SSTR4: variants seen among roughly 807,000 people sequenced by gnomAD.
SSTR4 encodes the protein somatostatin receptor 4, also known as somatostatin receptor type 4.
For synonymous variants in SSTR4, 272 were observed against 246.3 expected, an observed-to-expected ratio of 1.10 and a Z score of -0.98; for missense variants, 649 against 540.6, an observed-to-expected ratio of 1.20 and a Z score of -1.99.
In SSTR4 at chr20:23,036,467, G is replaced by A. The variant is rs772916978; in HGVS notation, c.984G>A (p.Leu328=). The A allele has an allele frequency of 1.9e-6, 3 of 1,613,668 alleles. No individual in the cohort carries two copies. In the African/African-American group the frequency reaches 4.0e-5, roughly 22 times the overall value. The change falls in exon 1 of 1, where the codon CTG becomes CTA. Residue 328 remains leucine, a synonymous_variant. Coordinates refer to ENST00000255008, the MANE Select transcript of SSTR4 (RefSeq NM_001052.4). ...GATTCTTCCAGCGGGTTCTCTGCCT[G>A]CGCTGCTGCCTCCTGGAAGGTGCTG... ...FRRFFQRVLC[L]RCCLLEGAGG...
In SSTR4 at chr20:23,035,507, C is replaced by T. The variant is rs1984275022; in HGVS notation, c.24C>T (p.Pro8=). The part of the protein sequence containing the change: MSAPSTL[P]PGGEEGLGTA... Reference sequence around the variant, plus strand: ...TCATGAGCGCCCCCTCGACGCTGCCCCCCGGGGGCGAGGAAGGGCTGGGGA... The same window carrying T: ...TCATGAGCGCCCCCTCGACGCTGCCTCCCGGGGGCGAGGAAGGGCTGGGGA... The change falls in exon 1 of 1, where the codon CCC becomes CCT. Residue 8 remains proline (P), a synonymous_variant. Coordinates refer to ENST00000255008, the MANE Select transcript of SSTR4 (RefSeq NM_001052.4). The T allele has an allele frequency of 1.3e-6, 2 of 1,562,936 alleles. No individual in the cohort carries two copies. Among genetic ancestry groups the T allele is most frequent in the Non-Finnish European group, 8.6e-7 (1 of 1,160,656 alleles).
chr20:23,036,659 T>TC lies in SSTR4; in HGVS notation c.*13dup. 1 of 1,531,104 alleles carries TC rather than the reference T, an allele frequency of 6.5e-7. No individual in the cohort carries two copies. The highest frequency in any genetic ancestry group is 1.3e-5 in the South Asian group (1 of 77,162). The allele number at this position is 1,531,104 out of a possible 1,614,324, so 94.8% of individuals were successfully genotyped here. The stretch of plus-strand genomic sequence containing the variant: ...GGACCACCACCTTCTGAGGAGCCCT[T>TC]CCCCTACCCACCCTGCGTGGCCACC... On this transcript the variant is annotated 3_prime_UTR_variant, in exon 1 of 1. Transcript: ENST00000255008.
rs1600405450 is a variant in SSTR4, at chr20:23,037,558, T to C, written c.*908T>C. Among the ~76,000 whole-genome samples, 1 of 152,122 alleles carries C rather than the reference T, an allele frequency of 6.6e-6. No individual in the cohort carries two copies. The highest frequency in any genetic ancestry group is 2.1e-4 in the South Asian group (1 of 4,826). On this transcript the variant is annotated 3_prime_UTR_variant, in exon 1 of 1. Transcript: ENST00000255008. Reference sequence around the variant, plus strand: ...GCAGCTTCATCACCACCCCCTATTTTAGAATGTCATCTTTCAGTAAAACAT... The same window carrying C: ...GCAGCTTCATCACCACCCCCTATTTCAGAATGTCATCTTTCAGTAAAACAT...
chr20:23,036,273 G>T lies in SSTR4; in HGVS notation c.790G>T (p.Val264Phe), dbSNP rs538772297. The change falls in exon 1 of 1, where the codon GTC becomes TTC. Residue 264 changes from valine (V) to phenylalanine (F), a missense_variant. Physicochemically the swap from Val to Phe is conservative, Grantham distance 50. Coordinates refer to ENST00000255008, the MANE Select transcript of SSTR4 (RefSeq NM_001052.4). ...GAAAATCACCAGGCTGGTGCTGATG[G>T]TCGTGGTCGTCTTTGTGCTCTGCTG... ...EKKITRLVLM[V>F]VVVFVLCWMP... is the part of the protein sequence containing the mutation. 6.2e-7 allele frequency: 1 copy of T among 1,614,060 alleles called. No individual in the cohort carries two copies. Among genetic ancestry groups the T allele is most frequent in the African/African-American group, 1.3e-5 (1 of 74,930 alleles).
Position 23,038,274 on chromosome 20 carries a change from C to T in SSTR4, c.*1624C>T, listed in dbSNP as rs1984380995. On this transcript the variant is annotated 3_prime_UTR_variant, in exon 1 of 1. Coordinates refer to ENST00000255008, the MANE Select transcript of SSTR4 (RefSeq NM_001052.4). ...CACTGATGAATATGGTTGAACGGAA[C>T]TCCAAGGACCACCCAGGTTGATAGT... 6.6e-6 allele frequency: 1 copy of T among 152,164 alleles called. No homozygotes were observed. Among genetic ancestry groups the T allele is most frequent in the Non-Finnish European group, 1.5e-5 (1 of 68,032 alleles). 9.4% of individuals were successfully genotyped at this position (152,164 alleles called of 1,614,324 possible).
rs1188306851 is a variant in SSTR4 at position 23,035,344 on chromosome 20, C to T, written c.-140C>T. 2 of 646,770 alleles carry T rather than the reference C, an allele frequency of 3.1e-6. No individual in the cohort carries two copies. The highest frequency in any genetic ancestry group is 4.3e-6 in the Non-Finnish European group (2 of 464,886). 40.1% of individuals were successfully genotyped at this position (646,770 alleles called of 1,614,324 possible). On this transcript the variant is annotated 5_prime_UTR_variant, in exon 1 of 1. Coordinates refer to ENST00000255008, the MANE Select transcript of SSTR4 (RefSeq NM_001052.4). Reference sequence around the variant, plus strand: ...CGGCGCGGGGATTGGCGGGCGCTCCCCGGTGCCCGCAGCTCTTCAGCGTAG... The same window carrying T: ...CGGCGCGGGGATTGGCGGGCGCTCCTCGGTGCCCGCAGCTCTTCAGCGTAG...
In SSTR4 at chr20:23,035,346, G is replaced by C; in HGVS notation, c.-138G>C. ...GCGCGGGGATTGGCGGGCGCTCCCC[G>C]GTGCCCGCAGCTCTTCAGCGTAGCC... is the stretch of plus-strand genomic sequence containing the variant. On this transcript the variant is annotated 5_prime_UTR_variant, in exon 1 of 1. Transcript: ENST00000255008. The C allele has an allele frequency of 3.1e-6, 2 of 641,326 alleles. No homozygotes were observed. The highest frequency in any genetic ancestry group is 4.3e-6 in the Non-Finnish European group (2 of 462,428). The allele number at this position is 641,326 out of a possible 1,614,324, so 39.7% of individuals were successfully genotyped here.
rs1370141528 is a variant in SSTR4 at position 23,038,298 on chromosome 20, G to A, written c.*1648G>A. ...ACTCCAAGGACCACCCAGGTTGATA[G>A]TAGTGAGGTGAGGGGTTCACAGCAC... On this transcript the variant is annotated 3_prime_UTR_variant, in exon 1 of 1. Coordinates refer to ENST00000255008, the MANE Select transcript of SSTR4 (RefSeq NM_001052.4). The A allele has an allele frequency of 2.0e-5, 3 of 152,212 alleles. No individual in the cohort carries two copies. The highest frequency in any genetic ancestry group is 2.9e-5 in the Non-Finnish European group (2 of 68,042). 9.4% of individuals were successfully genotyped at this position (152,212 alleles called of 1,614,324 possible).
rs1984361996 is a variant in SSTR4 at position 23,037,509 on chromosome 20, C to T, written c.*859C>T. Among the ~76,000 whole-genome samples the T allele has an allele frequency of 6.6e-6, 1 of 152,106 alleles. No homozygotes were observed. Among genetic ancestry groups the T allele is most frequent in the South Asian group, 2.1e-4 (1 of 4,828 alleles). Reference sequence around the variant, plus strand: ...CCAGAGAGCAGCGAGGGATGGGAACCAGCCCAGGTTTTGGATAGAGGAAGC... The same window carrying T: ...CCAGAGAGCAGCGAGGGATGGGAACTAGCCCAGGTTTTGGATAGAGGAAGC... On this transcript the variant is annotated 3_prime_UTR_variant, in exon 1 of 1. Coordinates refer to ENST00000255008, the MANE Select transcript of SSTR4 (RefSeq NM_001052.4).
rs1456178687 is a variant in SSTR4, at chr20:23,038,629, CCTCT to C, written c.*1982_*1985del. Among the ~76,000 whole-genome samples, 6 of 152,344 alleles carry C rather than the reference CCTCT, an allele frequency of 3.9e-5. No individual in the cohort carries two copies. The highest frequency in any genetic ancestry group is 4.1e-4 in the South Asian group (2 of 4,824). ...AGCTACCCCGTGAGCAGTGATTTAA[CCTCT>C]CTAAGCCTCAGTTTCCCACTTGGAA... is the stretch of plus-strand genomic sequence containing the variant. On this transcript the variant is annotated 3_prime_UTR_variant, in exon 1 of 1. Transcript: ENST00000255008.
Position 23,036,315 on chromosome 20 carries a change from G to C in SSTR4, c.832G>C (p.Val278Leu). 1 of 1,614,152 alleles carries C rather than the reference G, an allele frequency of 6.2e-7. No homozygotes were observed. The highest frequency in any genetic ancestry group is 8.5e-7 in the Non-Finnish European group (1 of 1,180,016). ...FVLCWMPFYV[V>L]QLLNLFVTSL... ...GCTCTGCTGGATGCCTTTCTACGTG[G>C]TGCAGCTGCTGAACCTCTTCGTGAC... is the stretch of plus-strand genomic sequence containing the variant. Residue 278 changes from valine to leucine, a missense_variant, in exon 1 of 1, where the codon GTG (valine) becomes CTG (leucine). Coordinates refer to ENST00000255008, the MANE Select transcript of SSTR4 (RefSeq NM_001052.4).
chr20:23,036,511 C>T lies in SSTR4; in HGVS notation c.1028C>T (p.Pro343Leu), dbSNP rs374723000. 16 of 1,613,738 alleles carry T rather than the reference C, an allele frequency of 9.9e-6. No homozygotes were observed. Among genetic ancestry groups the T allele is most frequent in the African/African-American group, 1.3e-5 (1 of 74,908 alleles). The change falls in exon 1 of 1, where the codon CCC becomes CTC. Residue 343 changes from proline to leucine, a missense_variant. Physicochemically the swap from Pro to Leu is moderately conservative, Grantham distance 98. Transcript: ENST00000255008. ...GGTGCTGGAGGTGCTGAGGAGGAGCCCCTGGACTACTATGCCACTGCTCTC... is the reference window on the plus strand; with the variant it reads ...GGTGCTGGAGGTGCTGAGGAGGAGCTCCTGGACTACTATGCCACTGCTCTC... The part of the protein sequence containing the change: ...LEGAGGAEEE[P>L]LDYYATALKS...
Position 23,038,484 on chromosome 20 carries a change from GA to G in SSTR4, c.*1836del, listed in dbSNP as rs1410345943. Among the ~76,000 whole-genome samples the G allele has an allele frequency of 6.6e-6, 1 of 152,332 alleles. No homozygotes were observed. Among genetic ancestry groups the G allele is most frequent in the South Asian group, 2.1e-4 (1 of 4,826 alleles). On this transcript the variant is annotated 3_prime_UTR_variant, in exon 1 of 1. Coordinates refer to ENST00000255008, the MANE Select transcript of SSTR4 (RefSeq NM_001052.4). ...GTGTGTGGCTGCCCAGATTAGCATGGAATAAGACACATTCTATTTAGAAATG... is the reference window on the plus strand; with the variant it reads ...GTGTGTGGCTGCCCAGATTAGCATGGATAAGACACATTCTATTTAGAAATG...
chr20:23,035,646 G>C lies in SSTR4; in HGVS notation c.163G>C (p.Ala55Pro). ...CATGGTCGCTATCCAGTGCATCTAC[G>C]CGCTGGTGTGCCTGGTGGGGCTGGT... The part of the protein sequence containing the change: ...AGMVAIQCIY[A>P]LVCLVGLVGN... Residue 55 changes from alanine to proline, a missense_variant, in exon 1 of 1, where the codon GCG (alanine) becomes CCG (proline). Physicochemically the swap from Ala to Pro is conservative, Grantham distance 27. Coordinates refer to ENST00000255008, the MANE Select transcript of SSTR4 (RefSeq NM_001052.4). 4.5e-6 allele frequency: 7 copies of C among 1,539,688 alleles called. No individual in the cohort carries two copies. The highest frequency in any genetic ancestry group is 5.2e-6 in the Non-Finnish European group (6 of 1,145,044).
chr20:23,035,826 G>C lies in SSTR4; in HGVS notation c.343G>C (p.Gly115Arg), dbSNP rs577382989. 4 of 1,591,358 alleles carry C rather than the reference G, an allele frequency of 2.5e-6. No individual in the cohort carries two copies. The South Asian group carries it at 4.6e-5, about 18-fold the overall frequency. Residue 115 changes from glycine (G) to arginine (R), a missense_variant, in exon 1 of 1, where the codon GGC (glycine) becomes CGC (arginine). Physicochemically the swap from Gly to Arg is moderately radical, Grantham distance 125. Coordinates refer to ENST00000255008, the MANE Select transcript of SSTR4 (RefSeq NM_001052.4). ...GGCCGCCCTGCGCCACTGGCCCTTCGGCTCCGTGCTGTGCCGCGCGGTGCT... is the reference window on the plus strand; with the variant it reads ...GGCCGCCCTGCGCCACTGGCCCTTCCGCTCCGTGCTGTGCCGCGCGGTGCT... The part of the protein sequence containing the change: ...SSAALRHWPF[G>R]SVLCRAVLSV...
In SSTR4 at chr20:23,036,321, C is replaced by G. The variant is rs748600010; in HGVS notation, c.838C>G (p.Leu280Val). 6.8e-6 allele frequency: 11 copies of G among 1,614,062 alleles called. No homozygotes were observed. The highest frequency in any genetic ancestry group is 1.3e-5 in the African/African-American group (1 of 74,944). ...CTGGATGCCTTTCTACGTGGTGCAG[C>G]TGCTGAACCTCTTCGTGACCAGCCT... Reference protein sequence around the residue: ...LCWMPFYVVQLLNLFVTSLDA... With the variant: ...LCWMPFYVVQVLNLFVTSLDA... The change falls in exon 1 of 1, where the codon CTG becomes GTG. Residue 280 changes from leucine to valine, a missense_variant. Transcript: ENST00000255008.
rs1984368552 is a variant in SSTR4, at chr20:23,037,811, C to T, written c.*1161C>T. Among the ~76,000 whole-genome samples the T allele has an allele frequency of 6.6e-6, 1 of 152,098 alleles. No individual in the cohort carries two copies. The highest frequency in any genetic ancestry group is 1.5e-5 in the Non-Finnish European group (1 of 68,036). On this transcript the variant is annotated 3_prime_UTR_variant, in exon 1 of 1. Transcript: ENST00000255008. ...GGAACATGTATGAAGTTTGGGGGACCCCACCTGGCTTAGCATTCAGAGACT... is the reference window on the plus strand; with the variant it reads ...GGAACATGTATGAAGTTTGGGGGACTCCACCTGGCTTAGCATTCAGAGACT...
Position 23,035,424 on chromosome 20 carries a change from G to A in SSTR4, c.-60G>A. 2.4e-6 allele frequency: 3 copies of A among 1,229,940 alleles called. No homozygotes were observed. The highest frequency in any genetic ancestry group is 3.1e-6 in the Non-Finnish European group (3 of 978,494). The allele number at this position is 1,229,940 out of a possible 1,614,324, so 76.2% of individuals were successfully genotyped here. A position where few individuals can be genotyped will look rare whatever the true frequency, so the allele number is the denominator to read the frequency against. On this transcript the variant is annotated 5_prime_UTR_variant, in exon 1 of 1. Coordinates refer to ENST00000255008, the MANE Select transcript of SSTR4 (RefSeq NM_001052.4). ...CCCCCGCCCTGGGCCCGCCGCCCGA[G>A]CTCTCTGGCGCAGCGCTAGCTCCGC...
chr20:23,036,716 C>G lies in SSTR4; in HGVS notation c.*66C>G, dbSNP rs891435036. 2.7e-6 allele frequency: 4 copies of G among 1,488,828 alleles called. No homozygotes were observed. Among genetic ancestry groups the G allele is most frequent in the Non-Finnish European group, 3.6e-6 (4 of 1,110,090 alleles). The allele number at this position is 1,488,828 out of a possible 1,614,324, so 92.2% of individuals were successfully genotyped here. ...GGGGTGGGCACCATTCCTACAGCCC[C>G]GAAGACTGCATCTCCTGAATGCTCA... On this transcript the variant is annotated 3_prime_UTR_variant, in exon 1 of 1. Coordinates refer to ENST00000255008, the MANE Select transcript of SSTR4 (RefSeq NM_001052.4).
Sources: allele counts gnomAD v4.1 joint callset (sites outside exome capture counted in the v4.1 genomes callset), GRCh38; gene constraint gnomAD v4.1.1; transcripts MANE v1.5; gene names NCBI Gene and HGNC (gene_info 2026-07-23, HGNC 2026-07-21).